DAB1: variants seen among roughly 807,000 people sequenced by gnomAD.
The protein encoded by DAB1 is DAB adaptor protein 1, also known as disabled homolog 1.
A neutral mutation model predicts 64.6 loss-of-function variants in DAB1; 15 were observed. The observed-to-expected ratio is 0.23, with a 90% CI of 0.16 to 0.36. The LOEUF is 0.36. Ranked by LOEUF, DAB1 falls within the 10% of genes least tolerant of loss-of-function variation. The pLI is 1.00. For synonymous variants in DAB1, 235 were observed against 251.9 expected (o/e 0.93, Z 0.64); for missense variants, 596 against 706.7 (o/e 0.84, Z 1.78).
At chr1:57,522,930 C>T (rs1038590444) in intron 7 of DAB1, among the ~76,000 whole-genome samples, 1 of 152,186 alleles carries the variant, frequency 6.6e-6, no homozygotes, top group Non-Finnish European at 1.5e-5. Context: ...CTTTTGAACG[C>T]TTGGACTTAC....
chr1:57,576,663 GT>G (rs1645253128), intron 7 of DAB1, among the ~76,000 whole-genome samples: 2 of 152,172 alleles, frequency 1.3e-5, no homozygotes, highest in Admixed American at 1.3e-4. Context: ...GATTTCTGTT[GT>G]TTTAAGATTC....
At chr1:57,100,988 T>C (rs1040288537) in intron 4 of DAB1, among the ~76,000 whole-genome samples, 2 of 152,220 alleles carry the variant, frequency 1.3e-5, no homozygotes, top group Non-Finnish European at 2.9e-5. Context: ...GCAGATACTA[T>C]GAGTGGTGCC....
chr1:58,313,852 T>TGAGA (rs1236909323), intron 4 of DAB1, among the ~76,000 whole-genome samples: 1 of 144,438 alleles, frequency 6.9e-6, no homozygotes, highest in African/African-American at 2.6e-5. Context: ...TGTGTGTGTG[T>TGAGA]GTGTGAGAGA....
At chr1:58,228,123 G>T (rs1412876273) in intron 4 of DAB1, among the ~76,000 whole-genome samples, 1 of 152,202 alleles carries the variant, frequency 6.6e-6, no homozygotes, top group South Asian at 2.1e-4. Flanking sequence ...ACCACATGGA[G>T]TAAGAGATGG....
intron 5 of DAB1, among the ~76,000 whole-genome samples, chr1:58,020,328 A>C (rs1277601473): frequency 6.6e-6 from 1 of 152,234 alleles, no homozygotes; most frequent in Non-Finnish European, 1.5e-5. Context: ...GGCCACCAAT[A>C]CATTAAAATA....
chr1:57,658,468 T>G (rs978246792), intron 6 of DAB1, among the ~76,000 whole-genome samples: 1 of 151,854 alleles, frequency 6.6e-6, no homozygotes. Context: ...CATGCCCGGC[T>G]AATTTTTTGT....
intron 4 of DAB1, among the ~76,000 whole-genome samples, chr1:58,297,301 C>T (rs899876947): frequency 6.6e-6 from 1 of 152,126 alleles, no homozygotes; most frequent in African/African-American, 2.4e-5. Context: ...TGACCTGTAA[C>T]TTGGTATTAC....
At chr1:58,238,064 C>A (rs75667605) in intron 4 of DAB1, among the ~76,000 whole-genome samples, 1 of 152,148 alleles carries the variant, frequency 6.6e-6, no homozygotes, top group Non-Finnish European at 1.5e-5. Flanking sequence ...TGGCAGTACC[C>A]CGTAATTCAT....
At chr1:57,618,112 TATC>T (rs1257474741) in intron 7 of DAB1, among the ~76,000 whole-genome samples, 2 of 152,030 alleles carry the variant, frequency 1.3e-5, no homozygotes, top group Non-Finnish European at 2.9e-5. Flanking sequence ...CAGGAAAGAA[TATC>T]ATACTAAAGG....
intron 7 of DAB1, among the ~76,000 whole-genome samples, chr1:57,551,311 C>T (rs1473008211): frequency 2.6e-5 from 4 of 152,090 alleles, no homozygotes; most frequent in Non-Finnish European, 4.4e-5. Flanking sequence ...TAAGTATTGC[C>T]GAGGACAGGG....
chr1:58,202,589 T>G (rs1658060303), intron 4 of DAB1, among the ~76,000 whole-genome samples: 2 of 152,260 alleles, frequency 1.3e-5, no homozygotes, highest in East Asian at 3.8e-4. Flanking sequence ...TTAATACCTG[T>G]CAATTTCTGT....
intron 5 of DAB1, among the ~76,000 whole-genome samples, chr1:58,086,057 A>T (rs12024333): frequency 4.3e-5 from 6 of 140,348 alleles, no homozygotes; most frequent in South Asian, 2.3e-4. Flanking sequence ...TCCGCCTCCC[A>T]GGTTCACGCC....
intron 5 of DAB1, among the ~76,000 whole-genome samples, chr1:58,035,427 C>T (rs762309131): frequency 9.9e-5 from 15 of 152,204 alleles, no homozygotes; most frequent in Non-Finnish European, 1.8e-4. Context: ...ACTAAGATGT[C>T]ATCAGGCAGT....
intron 1 of DAB1, among the ~76,000 whole-genome samples, chr1:57,318,754 A>T (rs94217): frequency 0.46 from 64,554 of 138,856 alleles, 15,207 homozygotes; most frequent in East Asian, 0.88. Flanking sequence ...AAAAAAAAAA[A>T]TTTCATCGGA....
At chr1:57,357,720 A>C (rs1045723074) in intron 1 of DAB1, among the ~76,000 whole-genome samples, 1 of 151,894 alleles carries the variant, frequency 6.6e-6, no homozygotes, top group Non-Finnish European at 1.5e-5. Context: ...ATCATGGTGA[A>C]AGAGGAAGCA....
intron 2 of DAB1, among the ~76,000 whole-genome samples, chr1:57,273,329 G>A (rs1170767779): frequency 6.6e-6 from 1 of 152,148 alleles, no homozygotes; most frequent in Non-Finnish European, 1.5e-5. Flanking sequence ...CCTTCTTCAT[G>A]TCTGCAAGAG....
chr1:57,270,239 C>T (rs1670889711), intron 2 of DAB1, among the ~76,000 whole-genome samples: 1 of 152,206 alleles, frequency 6.6e-6, no homozygotes, highest in Admixed American at 6.5e-5. Flanking sequence ...GAGCTCTGAG[C>T]CCATGCTGGG....
intron 4 of DAB1, among the ~76,000 whole-genome samples, chr1:58,274,825 G>A (rs966024129): frequency 9.9e-5 from 15 of 152,060 alleles, no homozygotes; most frequent in African/African-American, 3.4e-4. Flanking sequence ...CTGACCCCTC[G>A]CGCTTCCCAG....
intron 7 of DAB1, among the ~76,000 whole-genome samples, chr1:57,558,768 T>G (rs1045217661): frequency 3.9e-5 from 6 of 152,096 alleles, no homozygotes; most frequent in Admixed American, 3.9e-4. Context: ...CCATTGTGAG[T>G]GAGATGGAAA....
Sources: gnomAD v4.1 joint callset for allele counts (sites outside exome capture counted in the v4.1 genomes callset) on GRCh38, gnomAD v4.1.1 for gene constraint, MANE v1.5 for transcripts, NCBI Gene and HGNC (gene_info 2026-07-23, HGNC 2026-07-21) for gene names.